Variants in CSMD1 observed in about 807,000 individuals in gnomAD.
The protein encoded by CSMD1 is CUB and Sushi multiple domains 1.
A neutral mutation model predicts 417.5 loss-of-function variants in CSMD1; 213 were observed. The observed-to-expected ratio is 0.51, with a 90% CI of 0.46 to 0.57. The LOEUF (loss-of-function observed/expected upper bound fraction) is 0.57, where lower values mean the gene tolerates loss of function less well. CSMD1 is among the 20% of genes least tolerant of loss of function. The probability of loss-of-function intolerance (pLI) is 0.00; values close to 1 mark genes in which losing one functional copy is unlikely to be tolerated. For missense variants in CSMD1, 6,923 were observed against 4,529.7 expected (o/e 1.53, Z -15.17); for synonymous variants, 2,862 against 1,736.8 (o/e 1.65, Z -16.11).
In CSMD1 at chr8:3,995,274, G is replaced by C. The variant is rs76692424; in HGVS notation, c.818+2629C>G. Among the ~76,000 whole-genome samples, 24 of 152,312 alleles carry C rather than the reference G, an allele frequency of 1.6e-4. No individual in the cohort carries two copies. The East Asian group carries it at 4.6e-3, about 29-fold the overall frequency. ...CATCTTTTGCTTTTCAGCCTCCACT[G>C]AAGAGTCATTGAAAGCTGAGAGTTC... On this transcript the variant is annotated intron_variant, in intron 5 of 69. Transcript: ENST00000635120.
chr8:4,887,206 A>G (rs770795681), intron 1 of CSMD1, among the ~76,000 whole-genome samples: 24 of 152,064 alleles, frequency 1.6e-4, no homozygotes, highest in Non-Finnish European at 2.8e-4. Flanking sequence ...GTATTTTATA[A>G]TTTACATTGT....
intron 1 of CSMD1, among the ~76,000 whole-genome samples, chr8:4,775,528 A>T (rs1013502187): frequency 6.6e-6 from 1 of 152,240 alleles, no homozygotes; most frequent in Non-Finnish European, 1.5e-5. Flanking sequence ...AGGGGTTCCT[A>T]TCAGAAGGAC....
chr8:3,239,423 C>T (rs1301626371), intron 26 of CSMD1, among the ~76,000 whole-genome samples: 1 of 151,942 alleles, frequency 6.6e-6, no homozygotes, highest in Non-Finnish European at 1.5e-5. Context: ...CTTCTTAGAC[C>T]CTGTGGGAAA....
chr8:3,794,981 A>C (rs1056071584), intron 5 of CSMD1, among the ~76,000 whole-genome samples: 2 of 110,660 alleles, frequency 1.8e-5, no homozygotes, highest in African/African-American at 3.4e-5. Context: ...CTATAGATAT[A>C]TATCTATCTA....
chr8:4,318,673 C>T (rs989292129), intron 3 of CSMD1, among the ~76,000 whole-genome samples: 1 of 149,068 alleles, frequency 6.7e-6, no homozygotes, highest in Non-Finnish European at 1.5e-5. Flanking sequence ...TTTGATATCA[C>T]TGATTTTTAA....
chr8:4,131,151 T>G (rs888098275), intron 3 of CSMD1, among the ~76,000 whole-genome samples: 2 of 152,150 alleles, frequency 1.3e-5, no homozygotes, highest in Admixed American at 6.5e-5. Context: ...ATAATGTAGA[T>G]TTTAGACAAA....
At chr8:3,716,825 T>C (rs1243350870) in intron 6 of CSMD1, among the ~76,000 whole-genome samples, 1 of 152,148 alleles carries the variant, frequency 6.6e-6, no homozygotes, top group Admixed American at 6.6e-5. Context: ...GGAAGTATGG[T>C]AGTCATCTAA....
chr8:4,329,224 T>C (rs1437847990), intron 3 of CSMD1, among the ~76,000 whole-genome samples: 1 of 152,208 alleles, frequency 6.6e-6, no homozygotes, highest in African/African-American at 2.4e-5. Context: ...TATTTGGACC[T>C]TATCAGTGTT....
intron 5 of CSMD1, among the ~76,000 whole-genome samples, chr8:3,853,211 GTCT>G (rs914083558): frequency 8.5e-5 from 13 of 152,264 alleles, no homozygotes; most frequent in Non-Finnish European, 1.9e-4. Context: ...CATGTTTTCA[GTCT>G]TCTTTGTTGG....
Position 3,873,822 on chromosome 8 carries a change from A to G in CSMD1, c.819-119780T>C, listed in dbSNP as rs139188157. ...GGGAGAAAGAAAAGCACACATGGTC[A>G]CGGTGTTTGTAGTTTCTGGATGTTA... On this transcript the variant is annotated intron_variant, in intron 5 of 69. Coordinates refer to ENST00000635120, the MANE Select transcript of CSMD1 (RefSeq NM_033225.6). Among the ~76,000 whole-genome samples, 320 of 152,320 alleles carry G rather than the reference A, an allele frequency of 2.1e-3. 2 individuals are homozygous for G. The highest frequency in any genetic ancestry group is 7.5e-3 in the African/African-American group (311 of 41,580).
chr8:4,580,982 CTT>C (rs1192000641), intron 2 of CSMD1, among the ~76,000 whole-genome samples: 1 of 152,190 alleles, frequency 6.6e-6, no homozygotes, highest in Admixed American at 6.5e-5. Context: ...CACCTCAGTC[CTT>C]ATTCCAGTGC....
intron 1 of CSMD1, among the ~76,000 whole-genome samples, chr8:4,926,716 A>G (rs1434505188): frequency 1.1e-4 from 17 of 152,264 alleles, no homozygotes; most frequent in Non-Finnish European, 2.5e-4. Context: ...AACAAACTTT[A>G]CAGGACTTTA....
At chr8:4,372,318 T>A (rs1157967369) in intron 3 of CSMD1, among the ~76,000 whole-genome samples, 1 of 152,152 alleles carries the variant, frequency 6.6e-6, no homozygotes. Context: ...GAGAACAGAC[T>A]GTGGTAGCAT....
chr8:4,401,500 G>T (rs1563135169), intron 3 of CSMD1, among the ~76,000 whole-genome samples: 1 of 152,050 alleles, frequency 6.6e-6, no homozygotes, highest in Non-Finnish European at 1.5e-5. Flanking sequence ...ACCCAGAGAG[G>T]AGAACCTCCC....
At chr8:4,126,268 A>G (rs921381103) in intron 3 of CSMD1, among the ~76,000 whole-genome samples, 1 of 152,182 alleles carries the variant, frequency 6.6e-6, no homozygotes, top group Non-Finnish European at 1.5e-5. Context: ...CCGGCTCTGC[A>G]TGAATCACTC....
intron 5 of CSMD1, among the ~76,000 whole-genome samples, chr8:3,888,228 G>C (rs1806697134): frequency 6.6e-6 from 1 of 152,126 alleles, no homozygotes; most frequent in Admixed American, 6.5e-5. Flanking sequence ...CATAAAGTTA[G>C]AGGAATAAGC....
intron 6 of CSMD1, among the ~76,000 whole-genome samples, chr8:3,734,163 T>C (rs1455313026): frequency 6.6e-6 from 1 of 152,222 alleles, no homozygotes; most frequent in Non-Finnish European, 1.5e-5. Flanking sequence ...CCATTACCAA[T>C]ATACTACTTA....
chr8:3,311,628 C>T (rs1472909432), intron 23 of CSMD1, among the ~76,000 whole-genome samples: 1 of 152,190 alleles, frequency 6.6e-6, no homozygotes, highest in African/African-American at 2.4e-5. Flanking sequence ...AAATGAAAAA[C>T]AGATGGTTGC....
intron 5 of CSMD1, among the ~76,000 whole-genome samples, chr8:3,960,947 A>G (rs1812283910): frequency 1.3e-5 from 2 of 151,998 alleles, no homozygotes; most frequent in South Asian, 4.1e-4. Flanking sequence ...GGATAATACT[A>G]TCCTCTTAAT....
Sources: gnomAD v4.1 joint callset for allele counts (sites outside exome capture counted in the v4.1 genomes callset) on GRCh38, gnomAD v4.1.1 for gene constraint, MANE v1.5 for transcripts, NCBI Gene and HGNC (gene_info 2026-07-23, HGNC 2026-07-21) for gene names.